The following GRIN3A variants were observed in gnomAD, a reference collection of about 807,000 sequenced individuals.
GRIN3A encodes the protein glutamate receptor ionotropic, NMDA 3A.
Under a neutral mutation model 92.4 loss-of-function variants are expected in GRIN3A, and 47 were observed. That is an observed-to-expected ratio of 0.51 (90% CI 0.40 to 0.65). The LOEUF (loss-of-function observed/expected upper bound fraction) is 0.65. GRIN3A is among the 30% of genes least tolerant of loss of function. GRIN3A has a pLI of 0.00. For synonymous variants in GRIN3A, 527 were observed against 540.6 expected (o/e 0.97, Z 0.35); for missense variants, 1,324 against 1,393.1 (o/e 0.95, Z 0.79).
chr9:101,669,116 T>C (rs1482346480), intron 3 of GRIN3A, among the ~76,000 whole-genome samples: 4 of 152,134 alleles, frequency 2.6e-5, no homozygotes, highest in Non-Finnish European at 5.9e-5. Flanking sequence ...ATCCTACATG[T>C]TGGAATGCAC....
intron 1 of GRIN3A, among the ~76,000 whole-genome samples, chr9:101,733,768 A>T (rs1037528627): frequency 6.6e-6 from 1 of 152,228 alleles, no homozygotes; most frequent in Non-Finnish European, 1.5e-5. Flanking sequence ...AGCATATATT[A>T]ATTTGTTAGT....
chr9:101,733,981 G>T (rs961945247), intron 1 of GRIN3A, among the ~76,000 whole-genome samples: 7 of 152,120 alleles, frequency 4.6e-5, no homozygotes, highest in Non-Finnish European at 1.0e-4. Context: ...CTACATGTAG[G>T]TGCCACCATG....
At chr9:101,612,012 G>C (rs1828374848) in intron 6 of GRIN3A, among the ~76,000 whole-genome samples, 1 of 152,222 alleles carries the variant, frequency 6.6e-6, no homozygotes, top group Non-Finnish European at 1.5e-5. Context: ...GGCAGGGCCA[G>C]GTCCCACAGG....
intron 1 of GRIN3A, among the ~76,000 whole-genome samples, chr9:101,723,465 G>A (rs532056916): frequency 6.6e-6 from 1 of 152,206 alleles, no homozygotes; most frequent in South Asian, 2.1e-4. Flanking sequence ...CCCAAAGAGT[G>A]AGCAGTAGCA....
intron 3 of GRIN3A, among the ~76,000 whole-genome samples, chr9:101,665,275 T>C (rs1479457154): frequency 6.6e-6 from 1 of 151,920 alleles, no homozygotes; most frequent in African/African-American, 2.4e-5. Flanking sequence ...GTAAAATTCT[T>C]CTATTATTTT....
chr9:101,594,956 T>G, intron 6 of GRIN3A: 1 of 1,581,384 alleles, frequency 6.3e-7, no homozygotes, highest in Non-Finnish European at 8.5e-7. Context: ...GCTCAAAGGG[T>G]CGGAGAGGGG....
At chr9:101,612,548 T>G (rs1209001928) in intron 6 of GRIN3A, among the ~76,000 whole-genome samples, 1 of 152,164 alleles carries the variant, frequency 6.6e-6, no homozygotes, top group Non-Finnish European at 1.5e-5. Flanking sequence ...TGGGAGTTCT[T>G]GGCAAATAGA....
At chr9:101,657,347 CA>C in intron 3 of GRIN3A, among the ~76,000 whole-genome samples, 1 of 152,058 alleles carries the variant, frequency 6.6e-6, no homozygotes, top group Non-Finnish European at 1.5e-5. Flanking sequence ...ACAACCTGCT[CA>C]ATTTCTTTCC....
intron 2 of GRIN3A, among the ~76,000 whole-genome samples, chr9:101,680,521 A>G (rs1218254428): frequency 1.3e-5 from 2 of 152,208 alleles, no homozygotes; most frequent in Non-Finnish European, 2.9e-5. Context: ...AGTGTGTTGA[A>G]TCATAATTCA....
chr9:101,658,390 T>C (rs1448596927), intron 3 of GRIN3A, among the ~76,000 whole-genome samples: 1 of 152,008 alleles, frequency 6.6e-6, no homozygotes, highest in Non-Finnish European at 1.5e-5. Flanking sequence ...TTTTATCACC[T>C]TTAGGCTGAT....
At chr9:101,711,554 G>A (rs902053861) in intron 1 of GRIN3A, among the ~76,000 whole-genome samples, 1 of 152,178 alleles carries the variant, frequency 6.6e-6, no homozygotes, top group Non-Finnish European at 1.5e-5. Flanking sequence ...GAGACTGCAA[G>A]ACTGAAGGAA....
At chr9:101,614,608 AC>A (rs1828414254) in intron 5 of GRIN3A, among the ~76,000 whole-genome samples, 2 of 128,356 alleles carry the variant, frequency 1.6e-5, no homozygotes, top group African/African-American at 3.0e-5. Context: ...TATATGTGAT[AC>A]TTTTTTTTTT....
chr9:101,735,714 G>A (rs371843414), intron 1 of GRIN3A, among the ~76,000 whole-genome samples: 23 of 151,996 alleles, frequency 1.5e-4, no homozygotes, highest in African/African-American at 5.5e-4. Context: ...GATTCTGCAT[G>A]TATATTAATA....
chr9:101,687,515 T>C (rs1338182433), intron 1 of GRIN3A, among the ~76,000 whole-genome samples: 1 of 152,370 alleles, frequency 6.6e-6, no homozygotes, highest in South Asian at 2.1e-4. Context: ...ATAGGCAGTC[T>C]CATTTATGGC....
intron 1 of GRIN3A, among the ~76,000 whole-genome samples, chr9:101,717,064 T>C (rs1478089691): frequency 6.6e-6 from 1 of 152,228 alleles, no homozygotes; most frequent in East Asian, 1.9e-4. Flanking sequence ...AGAAGGCATC[T>C]GAGTTGGAGA....
intron 5 of GRIN3A, among the ~76,000 whole-genome samples, chr9:101,617,205 T>TCAAAAA (rs771904967): frequency 1.9e-5 from 2 of 107,156 alleles, no homozygotes; most frequent in African/African-American, 6.7e-5. Context: ...AGACTCCGTC[T>TCAAAAA]AAAAAAAAAA....
At chr9:101,653,896 G>C (rs540616609) in intron 3 of GRIN3A, among the ~76,000 whole-genome samples, 112 of 151,754 alleles carry the variant, frequency 7.4e-4, no homozygotes, top group Non-Finnish European at 8.1e-4. Context: ...AATGAAAATT[G>C]TATTATCGCT....
chr9:101,673,228 C>T lies in GRIN3A; in HGVS notation c.1305-2121G>A, dbSNP rs562639450. Among the ~76,000 whole-genome samples, 15 of 152,192 alleles carry T rather than the reference C, an allele frequency of 9.9e-5. No homozygotes were observed. The East Asian group carries it at 2.9e-3, about 29-fold the overall frequency. On this transcript the variant is annotated intron_variant, in intron 2 of 8. Coordinates refer to ENST00000361820, the MANE Select transcript of GRIN3A (RefSeq NM_133445.3). ...ATGCTTAAACCATATCAGAAAAAGG[C>T]ACTAGAAATCTTCAGAAAATTTCCA...
intron 3 of GRIN3A, among the ~76,000 whole-genome samples, chr9:101,650,741 C>G (rs978626348): frequency 6.6e-6 from 1 of 151,988 alleles, no homozygotes; most frequent in Non-Finnish European, 1.5e-5. Flanking sequence ...TGTCACTAAT[C>G]TCAGCACTCA....
Sources: allele counts gnomAD v4.1 joint callset (sites outside exome capture counted in the v4.1 genomes callset), GRCh38; gene constraint gnomAD v4.1.1; transcripts MANE v1.5; gene names NCBI Gene and HGNC (gene_info 2026-07-23, HGNC 2026-07-21).